The following TBXAS1 variants were observed in gnomAD, a reference collection of about 807,000 sequenced individuals.
The protein encoded by TBXAS1 is thromboxane-A synthase.
A neutral mutation model predicts 60.7 loss-of-function variants in TBXAS1; 48 were observed. The ratio of observed to expected loss-of-function variants is 0.79; its 90% CI spans 0.63 to 1.01. The LOEUF is 1.01. Ranked by LOEUF, TBXAS1 falls within the 50% of genes least tolerant of loss-of-function variation. TBXAS1 has a pLI of 0.00. For missense variants in TBXAS1, 685 were observed against 686.3 expected (o/e 1.00, Z 0.02); for synonymous variants, 287 against 269.7 (o/e 1.06, Z -0.63).
Position 140,015,805 on chromosome 7 carries a change from GCCCTGCA to G in TBXAS1, c.1312_1318del (p.Leu438MetfsTer45), listed in dbSNP as rs776636777. 7.4e-6 allele frequency: 12 copies of G among 1,613,792 alleles called. No homozygotes were observed. Among genetic ancestry groups the G allele is most frequent in the Non-Finnish European group, 1.0e-5 (12 of 1,180,038 alleles). On this transcript the variant is annotated frameshift_variant, in exon 11 of 13. Coordinates refer to ENST00000448866, the MANE Select transcript of TBXAS1 (RefSeq NM_001061.7). LOFTEE classifies it high-confidence loss of function. ...CGCTGTGCTAGAGATGGCCGTGGGT[GCCCTGCA>G]CCATGACCCTGAGCACTGGCCAAGC...
chr7:139,897,835 G>A (rs1409560795), intron 3 of TBXAS1, among the ~76,000 whole-genome samples: 2 of 152,186 alleles, frequency 1.3e-5, no homozygotes, highest in African/African-American at 4.8e-5. Context: ...CCCTGGGAAA[G>A]CAACTCCAGA....
At chr7:139,861,083 A>G (rs893678947) in intron 1 of TBXAS1, among the ~76,000 whole-genome samples, 5 of 151,260 alleles carry the variant, frequency 3.3e-5, no homozygotes, top group African/African-American at 1.2e-4. Context: ...CTGAGGCAGG[A>G]GAATTGCTTG....
intron 4 of TBXAS1, among the ~76,000 whole-genome samples, chr7:139,801,209 A>G (rs960851334): frequency 3.9e-5 from 6 of 152,216 alleles, no homozygotes; most frequent in Non-Finnish European, 8.8e-5. Context: ...GCTTTTTAAC[A>G]TTATTGTTAA....
At chr7:139,977,880 T>A (rs1191658868) in intron 9 of TBXAS1, among the ~76,000 whole-genome samples, 1 of 152,216 alleles carries the variant, frequency 6.6e-6, no homozygotes, top group African/African-American at 2.4e-5. Context: ...CCTAGCTCTA[T>A]AAAGAAATAG....
At chr7:139,899,058 C>A (rs1175627743) in intron 3 of TBXAS1, among the ~76,000 whole-genome samples, 1 of 151,686 alleles carries the variant, frequency 6.6e-6, no homozygotes, top group African/African-American at 2.4e-5. Flanking sequence ...TTATAAAACA[C>A]TGAACGTTCA....
At chr7:139,986,280 G>T (rs1280457483) in intron 9 of TBXAS1, among the ~76,000 whole-genome samples, 1 of 152,336 alleles carries the variant, frequency 6.6e-6, no homozygotes, top group East Asian at 1.9e-4. Flanking sequence ...AGCTGAGGCT[G>T]CCAGAGTTAA....
chr7:139,955,561 G>A lies in TBXAS1; in HGVS notation c.642G>A (p.Lys214=). ...AGGATCCCTTTGTGAAACACTGCAA[G>A]CGTTTCTTCGAATTCTGCATCCCCA... ...APEDPFVKHC[K]RFFEFCIPRP... Residue 214 remains lysine, a synonymous_variant, in exon 7 of 13, where the codon AAG becomes AAA. Coordinates refer to ENST00000448866, the MANE Select transcript of TBXAS1 (RefSeq NM_001061.7). The A allele has an allele frequency of 1.2e-6, 2 of 1,614,234 alleles. No individual in the cohort carries two copies. The highest frequency in any genetic ancestry group is 1.7e-6 in the Non-Finnish European group (2 of 1,180,028).
intron 3 of TBXAS1, among the ~76,000 whole-genome samples, chr7:139,899,643 G>T (rs1371469777): frequency 6.6e-6 from 1 of 152,188 alleles, no homozygotes; most frequent in Non-Finnish European, 1.5e-5. Flanking sequence ...AGAATTTCTT[G>T]CCCGGAAAGG....
chr7:140,012,166 A>T (rs1340467075), intron 10 of TBXAS1, among the ~76,000 whole-genome samples: 1 of 152,172 alleles, frequency 6.6e-6, no homozygotes, highest in South Asian at 2.1e-4. Flanking sequence ...GGGTGTGACC[A>T]GCGTCTCCTC....
intron 8 of TBXAS1, among the ~76,000 whole-genome samples, chr7:139,960,780 G>A (rs1455941416): frequency 6.6e-6 from 1 of 151,666 alleles, no homozygotes; most frequent in African/African-American, 2.4e-5. Flanking sequence ...GTGTGGCATA[G>A]ATTATTAATG....
At chr7:140,009,333 C>T (rs1329976286) in intron 10 of TBXAS1, among the ~76,000 whole-genome samples, 2 of 152,162 alleles carry the variant, frequency 1.3e-5, no homozygotes, top group Non-Finnish European at 2.9e-5. Flanking sequence ...GATCGTGAGC[C>T]TCATGCTGCT....
chr7:139,973,380 A>G (rs572663489), intron 9 of TBXAS1, among the ~76,000 whole-genome samples: 2 of 152,168 alleles, frequency 1.3e-5, no homozygotes, highest in East Asian at 3.9e-4. Context: ...CTAATAGCCA[A>G]TCGCTGGGCA....
At chr7:139,924,062 G>A (rs1271752807) in intron 4 of TBXAS1, among the ~76,000 whole-genome samples, 1 of 152,152 alleles carries the variant, frequency 6.6e-6, no homozygotes, top group African/African-American at 2.4e-5. Flanking sequence ...ACACTTAGGT[G>A]CTTCCAAATT....
At chr7:139,820,989 C>T (rs1798280742) in intron 4 of TBXAS1, among the ~76,000 whole-genome samples, 1 of 152,190 alleles carries the variant, frequency 6.6e-6, no homozygotes, top group Non-Finnish European at 1.5e-5. Context: ...AGAACAGTCT[C>T]CCATGCCCAG....
chr7:139,881,050 T>C (rs1051100651), intron 3 of TBXAS1, among the ~76,000 whole-genome samples: 1 of 152,226 alleles, frequency 6.6e-6, no homozygotes, highest in African/African-American at 2.4e-5. Flanking sequence ...AGTTTGAGCA[T>C]CTTTTCATAT....
At chr7:139,853,043 C>T (rs920465116) in intron 1 of TBXAS1, among the ~76,000 whole-genome samples, 1 of 151,950 alleles carries the variant, frequency 6.6e-6, no homozygotes, top group African/African-American at 2.4e-5. Context: ...CTTCACTTTA[C>T]TGAAGCCCCA....
intron 5 of TBXAS1, among the ~76,000 whole-genome samples, chr7:139,940,249 G>C (rs1808181355): frequency 6.6e-6 from 1 of 152,128 alleles, no homozygotes; most frequent in Admixed American, 6.5e-5. Flanking sequence ...TGTGGAAGAT[G>C]GGTGGAGGGG....
Position 139,933,298 on chromosome 7 carries a change from G to A in TBXAS1, c.334-2893G>A, listed in dbSNP as rs200174751. ...AATTCACCCTTAAGTCTTAAGGATA[G>A]GTACGAGATCCAATCAGCCTTCACT... On this transcript the variant is annotated intron_variant, in intron 4 of 12. Transcript: ENST00000448866. Among the ~76,000 whole-genome samples the A allele has an allele frequency of 2.6e-5, 4 of 152,248 alleles. No homozygotes were observed. The East Asian group carries it at 7.7e-4, about 29-fold the overall frequency.
intron 3 of TBXAS1, among the ~76,000 whole-genome samples, chr7:139,877,655 T>C (rs1802346044): frequency 1.3e-5 from 2 of 151,380 alleles, no homozygotes; most frequent in African/African-American, 2.4e-5. Context: ...ACTCCTGACC[T>C]CAAGTGATCC....
Sources: gnomAD v4.1 joint callset for allele counts (sites outside exome capture counted in the v4.1 genomes callset) on GRCh38, gnomAD v4.1.1 for gene constraint, MANE v1.5 for transcripts, NCBI Gene and HGNC (gene_info 2026-07-23, HGNC 2026-07-21) for gene names.